The following NLGN1 variants were observed in gnomAD, a reference collection of about 807,000 sequenced individuals.
NLGN1 encodes neuroligin-1.
In NLGN1, 12 loss-of-function variants were observed where a neutral mutation model predicts 65.5. The ratio of observed to expected loss-of-function variants is 0.18; its 90% CI spans 0.12 to 0.30. The LOEUF (loss-of-function observed/expected upper bound fraction) is 0.30. NLGN1 is among the 10% of genes least tolerant of loss of function. NLGN1 has a pLI of 1.00. For missense variants in NLGN1, 750 were observed against 1,007.1 expected (o/e 0.74, Z 3.46); for synonymous variants, 350 against 359.5 (o/e 0.97, Z 0.30).
chr3:174,041,118 C>T (rs1343529168), intron 4 of NLGN1, among the ~76,000 whole-genome samples: 1 of 152,108 alleles, frequency 6.6e-6, no homozygotes, highest in Non-Finnish European at 1.5e-5. Flanking sequence ...CCGTTGTCAT[C>T]ACCATCATGC....
At chr3:173,675,445 AAAAC>A (rs10590814) in intron 3 of NLGN1, among the ~76,000 whole-genome samples, 20,672 of 151,990 alleles carry the variant, frequency 0.14, 1,489 homozygotes, top group Middle Eastern at 0.29. Flanking sequence ...ACAATTTATT[AAAAC>A]AAACAAACAA....
In NLGN1 at chr3:173,900,349, T is replaced by G. The variant is rs189777994; in HGVS notation, c.646+92517T>G. On this transcript the variant is annotated intron_variant, in intron 4 of 6. Transcript: ENST00000457714. ...ATAGCTTTGGGTGCATCTGTTACAG[T>G]AGAGATGTGAATATACCCTAATATC... 3.0e-3 allele frequency among the ~76,000 whole-genome samples: 449 copies of G among 152,128 alleles called. 4 individuals carry two copies. The highest frequency in any genetic ancestry group is 0.01 in the African/African-American group (435 of 41,552).
chr3:173,974,363 C>T (rs1716957571), intron 4 of NLGN1, among the ~76,000 whole-genome samples: 1 of 151,832 alleles, frequency 6.6e-6, no homozygotes, highest in Non-Finnish European at 1.5e-5. Flanking sequence ...ATTTTTATAA[C>T]ACACATTTAC....
chr3:173,690,099 A>C (rs1457759711), intron 3 of NLGN1, among the ~76,000 whole-genome samples: 1 of 152,192 alleles, frequency 6.6e-6, no homozygotes, highest in Non-Finnish European at 1.5e-5. Flanking sequence ...GACAGTCAAA[A>C]GTGGTAGCAG....
chr3:173,599,959 C>T (rs558547890), intron 2 of NLGN1, among the ~76,000 whole-genome samples: 4 of 152,084 alleles, frequency 2.6e-5, no homozygotes, highest in East Asian at 1.9e-4. Context: ...TAGTAGAGGC[C>T]GTGCAGTGCA....
chr3:173,824,861 C>A (rs745347033), intron 4 of NLGN1, among the ~76,000 whole-genome samples: 3 of 151,924 alleles, frequency 2.0e-5, no homozygotes, highest in Non-Finnish European at 4.4e-5. Context: ...TCTTATTAAC[C>A]GTATGTAGCC....
intron 2 of NLGN1, among the ~76,000 whole-genome samples, chr3:173,518,028 A>G (rs1429840917): frequency 1.3e-5 from 2 of 152,180 alleles, no homozygotes; most frequent in East Asian, 3.8e-4. Context: ...GAGAAATTAG[A>G]TCAAAGGGTG....
At chr3:174,261,941 T>A (rs1360714663) in intron 4 of NLGN1, among the ~76,000 whole-genome samples, 2 of 146,544 alleles carry the variant, frequency 1.4e-5, no homozygotes, top group Non-Finnish European at 3.0e-5. Flanking sequence ...ATTGAGATAA[T>A]CATGTGGTTT....
chr3:173,767,021 A>C (rs1354279034), intron 3 of NLGN1, among the ~76,000 whole-genome samples: 2 of 152,206 alleles, frequency 1.3e-5, no homozygotes, highest in Non-Finnish European at 2.9e-5. Flanking sequence ...TTCAGTAATG[A>C]TAACATAAAT....
chr3:173,427,246 A>C (rs573750784), intron 1 of NLGN1, among the ~76,000 whole-genome samples: 1 of 151,784 alleles, frequency 6.6e-6, no homozygotes, highest in East Asian at 1.9e-4. Context: ...CATTTTGTTT[A>C]TCTTCTCAAA....
intron 3 of NLGN1, among the ~76,000 whole-genome samples, chr3:173,695,130 A>G (rs537322444): frequency 2.0e-4 from 30 of 152,268 alleles, no homozygotes; most frequent in African/African-American, 7.2e-4. Flanking sequence ...CCCATATTTT[A>G]TGGCCTAAAT....
chr3:173,943,287 T>C (rs1189488940), intron 4 of NLGN1, among the ~76,000 whole-genome samples: 2 of 152,114 alleles, frequency 1.3e-5, no homozygotes, highest in African/African-American at 4.8e-5. Flanking sequence ...ACTTTAATAT[T>C]AATTACTTTT....
Position 173,600,592 on chromosome 3 carries a change from C to CTTTTTTTTTTTTTT in NLGN1, c.-320-3678_-320-3677insTTTTTTTTTTTTTT, listed in dbSNP as rs150984290. Among the ~76,000 whole-genome samples the CTTTTTTTTTTTTTT allele has an allele frequency of 7.7e-4, 80 of 103,504 alleles. 11 individuals carry two copies. Among genetic ancestry groups the CTTTTTTTTTTTTTT allele is most frequent in the South Asian group, 7.6e-4 (2 of 2,640 alleles). 67.9% of individuals were successfully genotyped at this position (103,504 alleles called of 152,430 possible). ...AAGCAAGGTAGAAATAAAAACATAT[C>CTTTTTTTTTTTTTT]TTTTTTTTTAGAAAAAGATATGTAA... is the stretch of plus-strand genomic sequence containing the variant. On this transcript the variant is annotated intron_variant, in intron 2 of 6. Coordinates refer to ENST00000457714, the Ensembl canonical transcript of NLGN1.
At chr3:173,999,382 A>T (rs1051124185) in intron 4 of NLGN1, among the ~76,000 whole-genome samples, 2 of 152,138 alleles carry the variant, frequency 1.3e-5, no homozygotes, top group African/African-American at 4.8e-5. Context: ...TCTAGGACTG[A>T]ATTTCATTTG....
intron 1 of NLGN1, among the ~76,000 whole-genome samples, chr3:173,416,123 C>A (rs1409650328): frequency 6.6e-6 from 1 of 152,068 alleles, no homozygotes; most frequent in African/African-American, 2.4e-5. Context: ...ACACTTACAT[C>A]ACTTACATTA....
At chr3:173,547,216 T>C (rs2149252008) in intron 2 of NLGN1, among the ~76,000 whole-genome samples, 1 of 152,300 alleles carries the variant, frequency 6.6e-6, no homozygotes, top group African/African-American at 2.4e-5. Flanking sequence ...GTTTTCTTAC[T>C]ACAGACCACC....
At chr3:173,466,223 T>C (rs888268036) in intron 2 of NLGN1, among the ~76,000 whole-genome samples, 1 of 152,122 alleles carries the variant, frequency 6.6e-6, no homozygotes, top group Non-Finnish European at 1.5e-5. Context: ...AACCAAGATA[T>C]CTAAGCTGTG....
intron 3 of NLGN1, among the ~76,000 whole-genome samples, chr3:173,747,801 C>CTTCTTTTTTTTTTTTTTTTTT (rs1775714048): frequency 1.6e-5 from 1 of 64,422 alleles, no homozygotes; most frequent in African/African-American, 6.2e-5. Context: ...TCTTCTTGTT[C>CTTCTTTTTTTTTTTTTTTTTT]TTTTTTTTTT....
intron 3 of NLGN1, among the ~76,000 whole-genome samples, chr3:173,713,031 AT>A (rs1488344865): frequency 1.1e-4 from 16 of 152,162 alleles, no homozygotes; most frequent in African/African-American, 3.9e-4. Context: ...AAGAGATTAT[AT>A]TCATCAAGCA....
Sources: allele counts gnomAD v4.1 joint callset (sites outside exome capture counted in the v4.1 genomes callset), GRCh38; gene constraint gnomAD v4.1.1; transcripts MANE v1.5; gene names NCBI Gene and HGNC (gene_info 2026-07-23, HGNC 2026-07-21).